Variants in PASK observed in about 807,000 individuals in gnomAD.
PASK encodes PAS domain-containing serine/threonine-protein kinase.
In PASK, 110 loss-of-function variants were observed where a neutral mutation model predicts 121.0. The ratio of observed to expected loss-of-function variants is 0.91; its 90% CI spans 0.78 to 1.06. The LOEUF (loss-of-function observed/expected upper bound fraction) is 1.06. Among genes scored for constraint, PASK ranks in the 50% least tolerant of loss-of-function variants. The pLI, the probability that PASK is intolerant of heterozygous loss-of-function variation, is 0.00. For missense variants in PASK, 1,643 were observed against 1,702.3 expected, an observed-to-expected ratio of 0.97 and a Z score of 0.61; for synonymous variants, 686 against 717.8, an observed-to-expected ratio of 0.96 and a Z score of 0.71.
chr2:241,142,933 T>TGGTCTGTGCAGC lies in PASK; in HGVS notation c.88_99dup (p.Ala30_Thr33dup). The TGGTCTGTGCAGC allele has an allele frequency of 6.2e-7, 1 of 1,613,224 alleles. No homozygotes were observed. Among genetic ancestry groups the TGGTCTGTGCAGC allele is most frequent in the East Asian group, 2.2e-5 (1 of 44,872 alleles). ...GAAAACGACCTGCTGGGCTCAGCAG[T>TGGTCTGTGCAGC]GGTCTGTGCAGCTGGGCCCTCTGCT... On this transcript the variant is annotated inframe_insertion, in exon 2 of 18. Transcript: ENST00000234040.
intron 14 of PASK, chr2:241,113,185 T>G (rs1263067570): frequency 6.6e-6 from 1 of 152,348 alleles, no homozygotes; most frequent in Non-Finnish European, 1.5e-5. Context: ...CTGTCATAAT[T>G]TGGACACCCA....
At chr2:241,120,986 C>A (rs1031657128) in intron 12 of PASK, among the ~76,000 whole-genome samples, 5 of 152,218 alleles carry the variant, frequency 3.3e-5, no homozygotes, top group African/African-American at 1.2e-4. Flanking sequence ...GAATATTACT[C>A]GGTCATAAAA....
intron 10 of PASK, 133 bp downstream of exon 10, chr2:241,126,062 CT>C: frequency 1.2e-6 from 1 of 826,720 alleles, no homozygotes; most frequent in South Asian, 1.5e-5. Context: ...ATGCATTCTC[CT>C]TGAAAACATG....
chr2:241,133,604 C>T (rs1442289828), intron 8 of PASK: 4 of 189,014 alleles, frequency 2.1e-5, no homozygotes, highest in Admixed American at 5.3e-5. Context: ...AGCGCAGGGG[C>T]ATCTGCACGC....
chr2:241,134,438 CA>C (rs1257229895), intron 8 of PASK: 1 of 152,206 alleles, frequency 6.6e-6, no homozygotes, highest in South Asian at 2.1e-4. Flanking sequence ...TCTTTTAAAA[CA>C]AATGTTACAA....
At position 241,137,392 on chromosome 2, in the gene PASK, C is replaced by T. The variant is rs566592743; in HGVS notation, c.877-128G>A. On this transcript the variant is annotated intron_variant, in intron 6 of 17. Transcript: ENST00000234040. ...AGGTCCCCAGGACATCTCACACCCA[C>T]ACTGCTCTGCCTTCCCTCTCCTCCC... 170 of 779,478 alleles carry T rather than the reference C, an allele frequency of 2.2e-4. 1 individual carries two copies. Among genetic ancestry groups the T allele is most frequent in the Admixed American group, 2.2e-3 (123 of 56,930 alleles). The allele number at this position is 779,478 out of a possible 1,614,324, so 48.3% of individuals were successfully genotyped here.
Position 241,126,651 on chromosome 2 carries a change from G to A in PASK, c.2264C>T (p.Thr755Met), listed in dbSNP as rs373734894. The part of the protein sequence containing the change: ...ELFFSDQTDQ[T>M]SSNCSCATSE... Reference sequence around the variant, plus strand: ...CGTAGCACAGGAACAATTTGATGACGTTTGGTCTGTCTGGTCACTGAAAAA... The same window carrying A: ...CGTAGCACAGGAACAATTTGATGACATTTGGTCTGTCTGGTCACTGAAAAA... The change falls in exon 10 of 18, where the codon ACG (threonine) becomes ATG (methionine). Residue 755 changes from threonine to methionine, a missense_variant. Physicochemically the swap from Thr to Met is moderately conservative, Grantham distance 81. This residue lies in a region of PASK where 1,176 missense variants were observed against 1,162.2 expected (regional missense o/e 1.01). Transcript: ENST00000234040. The A allele has an allele frequency of 5.6e-6, 9 of 1,614,080 alleles. No individual in the cohort carries two copies. Among genetic ancestry groups the A allele is most frequent in the Admixed American group, 1.7e-5 (1 of 60,014 alleles).
intron 12 of PASK, among the ~76,000 whole-genome samples, chr2:241,122,341 G>C (rs1054075854): frequency 2.0e-5 from 3 of 152,212 alleles, no homozygotes; most frequent in Non-Finnish European, 4.4e-5. Flanking sequence ...TATTTGAAAA[G>C]ATTAAGCATG....
At chr2:241,145,262 C>T (rs1043478399) in intron 1 of PASK, among the ~76,000 whole-genome samples, 8 of 151,974 alleles carry the variant, frequency 5.3e-5, no homozygotes, top group African/African-American at 1.9e-4. Context: ...TTTTTTTTAA[C>T]TAGGAGATGA....
At chr2:241,126,132 C>T (rs1480954141) in intron 10 of PASK, 64 bp downstream of exon 10, 1 of 1,457,774 alleles carries the variant, frequency 6.9e-7, no homozygotes, top group African/African-American at 1.4e-5. Flanking sequence ...AAGGAAGGCC[C>T]TGCACCCCCA....
chr2:241,137,028 G>A lies in PASK; in HGVS notation c.1113C>T (p.Tyr371=), dbSNP rs750379832. ...NHSFALTLFG[Y]GKTELLGKNI... is the part of the protein sequence containing the mutation. ...CCTTGCCCAGGAGCTCCGTCTTTCC[G>A]TAACCAAACAGTGTCAGCGCGAAGC... is the stretch of plus-strand genomic sequence containing the variant. Residue 371 remains tyrosine, a synonymous_variant, in exon 7 of 18, where the codon TAC becomes TAT. Coordinates refer to ENST00000234040, the MANE Select transcript of PASK (RefSeq NM_015148.4). 3.1e-5 allele frequency: 50 copies of A among 1,613,278 alleles called. No homozygotes were observed. The highest frequency in any genetic ancestry group is 9.9e-5 in the South Asian group (9 of 91,094).
Position 241,143,043 on chromosome 2 carries a change from G to C in PASK, c.-11C>G, listed in dbSNP as rs1575343964. 6.2e-7 allele frequency: 1 copy of C among 1,607,948 alleles called. No homozygotes were observed. The highest frequency in any genetic ancestry group is 8.5e-7 in the Non-Finnish European group (1 of 1,174,646). ...GCCCCCGTCCTCCATGGGAAGAAGGGAGGCCAACTGCCAAGCTTCCAACTC... is the reference window on the plus strand; with the variant it reads ...GCCCCCGTCCTCCATGGGAAGAAGGCAGGCCAACTGCCAAGCTTCCAACTC... On this transcript the variant is annotated 5_prime_UTR_variant, in exon 2 of 18. Transcript: ENST00000234040.
chr2:241,129,991 T>G (rs1218440914), intron 9 of PASK, among the ~76,000 whole-genome samples: 1 of 152,146 alleles, frequency 6.6e-6, no homozygotes, highest in East Asian at 1.9e-4. Flanking sequence ...AAAATCAGAC[T>G]ACACTCCCAG....
In PASK at chr2:241,135,961, C is replaced by T; in HGVS notation, c.1216G>A (p.Ala406Thr). Residue 406 changes from alanine (A) to threonine (T), a missense_variant, in exon 8 of 18, where the codon GCC (alanine) becomes ACC (threonine). Ala to Thr is a moderately conservative substitution (Grantham distance 58). Transcript: ENST00000234040. Reference sequence around the variant, plus strand: ...TCATTGCCGACGTCCAGGCAGCTGGCCAGGTCTGGGAGCTGTAATGAGCTG... The same window carrying T: ...TCATTGCCGACGTCCAGGCAGCTGGTCAGGTCTGGGAGCTGTAATGAGCTG... ...YNSSLQLPDL[A>T]SCLDVGNESG... is the part of the protein sequence containing the mutation. The T allele has an allele frequency of 6.2e-7, 1 of 1,614,012 alleles. No individual in the cohort carries two copies. Among genetic ancestry groups the T allele is most frequent in the South Asian group, 1.1e-5 (1 of 91,088 alleles).
Position 241,112,388 on chromosome 2 carries a change from T to C in PASK, c.3385A>G (p.Ile1129Val). 1.2e-6 allele frequency: 2 copies of C among 1,613,974 alleles called. No individual in the cohort carries two copies. The highest frequency in any genetic ancestry group is 8.5e-7 in the Non-Finnish European group (1 of 1,179,890). The change falls in exon 15 of 18, where the codon ATC becomes GTC. Residue 1129 changes from isoleucine to valine, a missense_variant. This residue lies in a region of PASK where 453 missense variants were observed against 511.2 expected (regional missense o/e 0.89). Transcript: ENST00000234040. The surrounding 1 kb of genome is among the most constrained non-coding windows in gnomAD (Gnocchi z 5.2). ...GCGATCACGATGTTCTCATCCTTGA[T>C]GTCACGGTGGATGATGTCCTTCAAG... ...LRLKDIIHRDIKDENIVIAED... is the reference protein window; with the variant it reads ...LRLKDIIHRDVKDENIVIAED...
intron 9 of PASK, among the ~76,000 whole-genome samples, chr2:241,129,827 C>T (rs2066043059): frequency 6.6e-6 from 1 of 152,212 alleles, no homozygotes; most frequent in Admixed American, 6.5e-5. Flanking sequence ...AGGGCAGCCC[C>T]AGGGACCGTA....
intron 1 of PASK, among the ~76,000 whole-genome samples, chr2:241,144,149 CGTGT>C (rs35476448): frequency 0.056 from 8,565 of 152,060 alleles, 309 homozygotes; most frequent in South Asian, 0.15. Context: ...TGTACATGAG[CGTGT>C]GTGTGTGCGC....
At chr2:241,142,692 A>G in intron 2 of PASK, 145 bp downstream of exon 2, 1 of 685,504 alleles carries the variant, frequency 1.5e-6, no homozygotes. Flanking sequence ...ATCTGCCAGC[A>G]TGAGCCGAGC....
rs61620018 is a variant in PASK, at chr2:241,112,011, A to G, written c.3533+229T>C. Among the ~76,000 whole-genome samples, 13,409 of 152,204 alleles carry G rather than the reference A, an allele frequency of 0.088. 646 individuals are homozygous for G. Among genetic ancestry groups the G allele is most frequent in the East Asian group, 0.21 (1,092 of 5,186 alleles). ...CTTTTTATTATATGAAACTCCAAACAAATAAAAGCTGAGAAAATAAAATTA... is the reference window on the plus strand; with the variant it reads ...CTTTTTATTATATGAAACTCCAAACGAATAAAAGCTGAGAAAATAAAATTA... On this transcript the variant is annotated intron_variant, in intron 15 of 17. Coordinates refer to ENST00000234040, the MANE Select transcript of PASK (RefSeq NM_015148.4). The surrounding 1 kb of genome is among the most constrained non-coding windows in gnomAD (Gnocchi z 5.2).
Sources: gnomAD v4.1 joint callset for allele counts (sites outside exome capture counted in the v4.1 genomes callset) on GRCh38, gnomAD v4.1.1 for gene constraint, gnomAD v4.1.1 regional missense constraint, Gnocchi (gnomAD v3.1) non-coding constraint, MANE v1.5 for transcripts, NCBI Gene and HGNC (gene_info 2026-07-23, HGNC 2026-07-21) for gene names.